The following PDE4B variants were observed in gnomAD, a reference collection of about 807,000 sequenced individuals.
The protein encoded by PDE4B is phosphodiesterase 4B, also known as 3',5'-cyclic-AMP phosphodiesterase 4B.
In PDE4B, 20 loss-of-function variants were observed where a neutral mutation model predicts 82.2. The observed-to-expected ratio is 0.24, with a 90% CI of 0.17 to 0.35. The LOEUF (loss-of-function observed/expected upper bound fraction) is 0.35. Among genes scored for constraint, PDE4B ranks in the 10% least tolerant of loss-of-function variants. The probability of loss-of-function intolerance (pLI) is 1.00; values close to 1 mark genes in which losing one functional copy is unlikely to be tolerated. For missense variants in PDE4B, 655 were observed against 907.2 expected (o/e 0.72, Z 3.57); for synonymous variants, 320 against 318.9 (o/e 1.00, Z -0.04).
chr1:66,097,686 C>G (rs1172253397), intron 3 of PDE4B, among the ~76,000 whole-genome samples: 1 of 151,802 alleles, frequency 6.6e-6, no homozygotes, highest in Non-Finnish European at 1.5e-5. Context: ...TCTCTATCTT[C>G]TTGAACAAAT....
rs370994595 is a variant in PDE4B at position 66,247,627 on chromosome 1, C to G, written c.449C>G (p.Ser150Trp). The change falls in exon 4 of 17, where the codon TCG (serine) becomes TGG (tryptophan). Residue 150 changes from serine to tryptophan, a missense_variant. By Grantham distance (177) the Ser-to-Trp change is radical (BLOSUM62 -3). Transcript: ENST00000341517. ...SDYDLSPKAM[S>W]RNSSLPSEQH... The stretch of plus-strand genomic sequence containing the variant: ...TATGACTTGTCACCAAAGGCGATGT[C>G]GAGAAACTCTTCTCTTCCAAGCGAG... 1.9e-6 allele frequency: 3 copies of G among 1,593,770 alleles called. No homozygotes were observed. Among genetic ancestry groups the G allele is most frequent in the South Asian group, 1.1e-5 (1 of 88,394 alleles).
chr1:66,048,821 A>G (rs1051136058), intron 3 of PDE4B: 44 of 151,962 alleles, frequency 2.9e-4, no homozygotes, highest in African/African-American at 1.1e-3. Context: ...CTTTTCACTG[A>G]TAGGTCAGAG....
At chr1:66,106,968 T>A (rs1570251027) in intron 3 of PDE4B, among the ~76,000 whole-genome samples, 1 of 148,368 alleles carries the variant, frequency 6.7e-6, no homozygotes, top group Admixed American at 6.9e-5. Context: ...AGTTATTTCT[T>A]GCCTTCTGCT....
chr1:66,253,843 G>A (rs1292694839), intron 4 of PDE4B, among the ~76,000 whole-genome samples: 2 of 152,138 alleles, frequency 1.3e-5, no homozygotes, highest in Non-Finnish European at 2.9e-5. Flanking sequence ...TTGTTTAAGG[G>A]AACCAATGCT....
chr1:65,925,576 T>G (rs1647454246), intron 3 of PDE4B, among the ~76,000 whole-genome samples: 1 of 152,186 alleles, frequency 6.6e-6, no homozygotes, highest in Non-Finnish European at 1.5e-5. Context: ...ATTAGTTTTG[T>G]CTGTTTTTGA....
chr1:65,938,691 GT>G (rs1174873833), intron 3 of PDE4B, among the ~76,000 whole-genome samples: 1 of 152,178 alleles, frequency 6.6e-6, no homozygotes, highest in East Asian at 1.9e-4. Context: ...AGAGTGGCTG[GT>G]TTTTCCTTGG....
chr1:66,131,606 T>TGCC (rs1293945025), intron 3 of PDE4B, among the ~76,000 whole-genome samples: 1 of 83,660 alleles, frequency 1.2e-5, no homozygotes. Flanking sequence ...TATATATATA[T>TGCC]ATATATATAT....
chr1:66,306,891 A>T (rs953938220), intron 7 of PDE4B, among the ~76,000 whole-genome samples: 8 of 152,168 alleles, frequency 5.3e-5, no homozygotes, highest in Non-Finnish European at 1.2e-4. Context: ...CTGTGCAGTG[A>T]TCAGTTGGAA....
chr1:66,238,269 G>A (rs1652618833), intron 3 of PDE4B, among the ~76,000 whole-genome samples: 1 of 152,164 alleles, frequency 6.6e-6, no homozygotes, highest in African/African-American at 2.4e-5. Flanking sequence ...AAAGGATTTG[G>A]CATGTTCTGG....
At chr1:66,331,265 C>A (rs1399361642) in intron 7 of PDE4B, among the ~76,000 whole-genome samples, 1 of 152,122 alleles carries the variant, frequency 6.6e-6, no homozygotes, top group East Asian at 1.9e-4. Context: ...TGAGATTTTA[C>A]ATTTTATTAG....
chr1:65,863,185 AGGTTCT>A (rs1207110057), intron 1 of PDE4B, among the ~76,000 whole-genome samples: 13 of 152,080 alleles, frequency 8.5e-5, no homozygotes, highest in African/African-American at 3.1e-4. Flanking sequence ...TGTGTCTCAG[AGGTTCT>A]GGTATGTTGT....
intron 3 of PDE4B, among the ~76,000 whole-genome samples, chr1:66,237,821 C>A (rs1652580561): frequency 6.6e-6 from 1 of 152,166 alleles, no homozygotes; most frequent in Non-Finnish European, 1.5e-5. Context: ...ATTATTCTTT[C>A]ATTAATCTAT....
chr1:66,140,067 A>T (rs1646141118), intron 3 of PDE4B, among the ~76,000 whole-genome samples: 1 of 152,236 alleles, frequency 6.6e-6, no homozygotes, highest in Non-Finnish European at 1.5e-5. Context: ...AATGACAGGT[A>T]CACAAACACA....
At chr1:66,165,926 A>G (rs148032316) in intron 3 of PDE4B, among the ~76,000 whole-genome samples, 8 of 151,812 alleles carry the variant, frequency 5.3e-5, no homozygotes, top group African/African-American at 1.4e-4. Flanking sequence ...CAAGGGACCT[A>G]TAAAAAACAA....
chr1:66,374,149 C>G lies in PDE4B; in HGVS notation c.*1471C>G, dbSNP rs551758727. ...CACAGATGATTCTTCTGAATGCTCC[C>G]GAACTACTGACTTTGAAGAGGTAGC... On this transcript the variant is annotated 3_prime_UTR_variant, in exon 17 of 17. Transcript: ENST00000341517. 6.6e-6 allele frequency: 1 copy of G among 152,496 alleles called. No individual in the cohort carries two copies. The highest frequency in any genetic ancestry group is 2.1e-4 in the South Asian group (1 of 4,818). 9.4% of individuals were successfully genotyped at this position (152,496 alleles called of 1,614,324 possible).
chr1:66,188,585 T>G (rs997955227), intron 3 of PDE4B, among the ~76,000 whole-genome samples: 3 of 151,624 alleles, frequency 2.0e-5, no homozygotes, highest in Admixed American at 2.0e-4. Flanking sequence ...TTTACCATTA[T>G]GTAATGGCCT....
chr1:66,343,679 G>T lies in PDE4B; in HGVS notation c.747+11059G>T, dbSNP rs536524373. 3.3e-5 allele frequency among the ~76,000 whole-genome samples: 5 copies of T among 152,284 alleles called. No individual in the cohort carries two copies. In the South Asian group the frequency reaches 1.0e-3, roughly 32 times the overall value. On this transcript the variant is annotated intron_variant, in intron 8 of 16. Coordinates refer to ENST00000341517, the MANE Select transcript of PDE4B (RefSeq NM_002600.4). Reference sequence around the variant, plus strand: ...TGTAAGGATGGAAGTGAAAAGCAAAGAAAGTTTTTGTCAGTTGGTGGTAGT... The same window carrying T: ...TGTAAGGATGGAAGTGAAAAGCAAATAAAGTTTTTGTCAGTTGGTGGTAGT...
At chr1:65,959,501 A>T (rs988807537) in intron 3 of PDE4B, among the ~76,000 whole-genome samples, 9 of 152,198 alleles carry the variant, frequency 5.9e-5, no homozygotes, top group African/African-American at 1.7e-4. Flanking sequence ...CATGTCAATT[A>T]ACTCATTTGC....
chr1:66,217,313 G>T (rs1650542093), intron 3 of PDE4B, among the ~76,000 whole-genome samples: 4 of 152,108 alleles, frequency 2.6e-5, no homozygotes, highest in African/African-American at 9.7e-5. Context: ...AGAAGTGTAG[G>T]CAAGGATATT....
Sources: gnomAD v4.1 joint callset for allele counts (sites outside exome capture counted in the v4.1 genomes callset) on GRCh38, gnomAD v4.1.1 for gene constraint, MANE v1.5 for transcripts, NCBI Gene and HGNC (gene_info 2026-07-23, HGNC 2026-07-21) for gene names.